The following GABRG3 variants were observed in gnomAD, a reference collection of about 807,000 sequenced individuals.
The protein encoded by GABRG3 is gamma-aminobutyric acid type A receptor subunit gamma3, also known as gamma-aminobutyric acid receptor subunit gamma-3.
In GABRG3, 25 loss-of-function variants were observed where a neutral mutation model predicts 48.8. The observed-to-expected ratio is 0.51, with a 90% CI of 0.37 to 0.72. GABRG3 has a LOEUF of 0.72. Ranked by LOEUF, GABRG3 falls within the 30% of genes least tolerant of loss-of-function variation. The pLI, the probability that GABRG3 is intolerant of heterozygous loss-of-function variation, is 0.00. For missense variants in GABRG3, 394 were observed against 577.9 expected (o/e 0.68, Z 3.26); for synonymous variants, 227 against 217.6 (o/e 1.04, Z -0.38).
At chr15:27,090,367 AG>A (rs1283965742) in intron 3 of GABRG3, among the ~76,000 whole-genome samples, 1 of 152,356 alleles carries the variant, frequency 6.6e-6, no homozygotes, top group East Asian at 1.9e-4. Flanking sequence ...GGTTATCCGT[AG>A]GTAACCCCAT....
intron 2 of GABRG3, among the ~76,000 whole-genome samples, chr15:27,016,941 TTTC>T (rs1371807078): frequency 6.6e-6 from 1 of 152,206 alleles, no homozygotes; most frequent in African/African-American, 2.4e-5. Context: ...GTTTTGTTTG[TTTC>T]TTCTTCTTAG....
At chr15:27,253,379 C>A (rs1409301782) in intron 3 of GABRG3, among the ~76,000 whole-genome samples, 1 of 152,184 alleles carries the variant, frequency 6.6e-6, no homozygotes, top group Non-Finnish European at 1.5e-5. Flanking sequence ...TTCCTGTCCC[C>A]TCTCCTTCTG....
At chr15:27,132,855 A>C (rs1269272084) in intron 3 of GABRG3, among the ~76,000 whole-genome samples, 1 of 148,852 alleles carries the variant, frequency 6.7e-6, no homozygotes, top group Non-Finnish European at 1.5e-5. Flanking sequence ...GGGTTAGTTC[A>C]TTTTTCTTTT....
chr15:27,386,780 T>C (rs919319534), intron 5 of GABRG3, among the ~76,000 whole-genome samples: 1 of 152,214 alleles, frequency 6.6e-6, no homozygotes, highest in Non-Finnish European at 1.5e-5. Context: ...CAATTTGTTG[T>C]GTGTCCTTTG....
At chr15:27,466,226 A>G (rs1183038569) in intron 5 of GABRG3, among the ~76,000 whole-genome samples, 1 of 152,216 alleles carries the variant, frequency 6.6e-6, no homozygotes, top group African/African-American at 2.4e-5. Flanking sequence ...ACAATATTCC[A>G]TAGAAGACCA....
rs778222775 is a variant in GABRG3, at chr15:27,132,471, G to GGTTTTTTTTTTTTTTTTTTTTTTTT, written c.270+105650_270+105651insGTTTTTTTTTTTTTTTTTTTTTTTT. ...TGATTCAATCTTCCCAGTAGTTACA[G>GGTTTTTTTTTTTTTTTTTTTTTTTT]TTTTTTTTTTTTTTTTTTTTTTTTT... On this transcript the variant is annotated intron_variant, in intron 3 of 9. Coordinates refer to ENST00000615808, the MANE Select transcript of GABRG3 (RefSeq NM_033223.5). Among the ~76,000 whole-genome samples the GGTTTTTTTTTTTTTTTTTTTTTTTT allele has an allele frequency of 1.0e-4, 4 of 39,594 alleles. 2 individuals are homozygous for GGTTTTTTTTTTTTTTTTTTTTTTTT. Among genetic ancestry groups the GGTTTTTTTTTTTTTTTTTTTTTTTT allele is most frequent in the African/African-American group, 1.8e-4 (2 of 11,312 alleles). 26.0% of individuals were successfully genotyped at this position (39,594 alleles called of 152,430 possible).
At chr15:27,524,251 T>C (rs1045535048) in intron 7 of GABRG3, among the ~76,000 whole-genome samples, 28 of 152,146 alleles carry the variant, frequency 1.8e-4, no homozygotes, top group African/African-American at 6.5e-4. Flanking sequence ...ATGGAAATAA[T>C]AGTCAACCCA....
chr15:27,070,191 A>G (rs1410924630), intron 3 of GABRG3, among the ~76,000 whole-genome samples: 1 of 152,256 alleles, frequency 6.6e-6, no homozygotes, highest in African/African-American at 2.4e-5. Flanking sequence ...ACCTTTTGCA[A>G]CAGCCTGAAT....
At chr15:27,254,226 G>A (rs1021265088) in intron 3 of GABRG3, among the ~76,000 whole-genome samples, 1 of 152,156 alleles carries the variant, frequency 6.6e-6, no homozygotes, top group Admixed American at 6.5e-5. Flanking sequence ...GCCAGGTGGG[G>A]ATGCAGGCTG....
At chr15:27,018,381 T>G (rs1895817318) in intron 2 of GABRG3, among the ~76,000 whole-genome samples, 1 of 152,224 alleles carries the variant, frequency 6.6e-6, no homozygotes, top group Non-Finnish European at 1.5e-5. Context: ...TTTTTATTCT[T>G]TTAAGAATAG....
At chr15:27,146,459 A>C (rs886845168) in intron 3 of GABRG3, among the ~76,000 whole-genome samples, 6 of 152,130 alleles carry the variant, frequency 3.9e-5, no homozygotes, top group Admixed American at 1.3e-4. Context: ...TCTGTCTCAA[A>C]AACAACAACA....
chr15:27,364,354 G>A (rs149551810), intron 5 of GABRG3: 168 of 152,630 alleles, frequency 1.1e-3, no homozygotes, highest in African/African-American at 3.9e-3. Context: ...GGGCAGATGC[G>A]CCTCTACATG....
chr15:27,264,033 G>A (rs948444835), intron 3 of GABRG3, among the ~76,000 whole-genome samples: 2 of 152,136 alleles, frequency 1.3e-5, no homozygotes, highest in Admixed American at 6.5e-5. Flanking sequence ...TAGGGGATGG[G>A]AAGGGCCGCT....
intron 5 of GABRG3, among the ~76,000 whole-genome samples, chr15:27,393,743 A>G (rs1018937393): frequency 6.6e-6 from 1 of 152,152 alleles, no homozygotes; most frequent in South Asian, 2.1e-4. Flanking sequence ...TTATTAATAT[A>G]TGCACTCCTT....
In GABRG3 at chr15:26,975,357, A is replaced by G. The variant is rs1894920855; in HGVS notation, c.54-1645A>G. ...AAATCAACAGCAATTTATAGTTTCT[A>G]TGGATGATTCAATTTAACCTTCTAG... On this transcript the variant is annotated intron_variant, in intron 1 of 9. Coordinates refer to ENST00000615808, the MANE Select transcript of GABRG3 (RefSeq NM_033223.5). The surrounding 1 kb of genome is among the most constrained non-coding windows in gnomAD (Gnocchi z 4.6). Among the ~76,000 whole-genome samples the G allele has an allele frequency of 6.6e-6, 1 of 152,334 alleles. No individual in the cohort carries two copies. The highest frequency in any genetic ancestry group is 1.5e-5 in the Non-Finnish European group (1 of 68,038).
At chr15:27,081,580 G>T (rs1457790549) in intron 3 of GABRG3, among the ~76,000 whole-genome samples, 7 of 152,156 alleles carry the variant, frequency 4.6e-5, no homozygotes, top group Non-Finnish European at 7.3e-5. Context: ...TGCAGCAGAG[G>T]AGGCTGGCCC....
In GABRG3 at chr15:27,335,606, A is replaced by G. The variant is rs572289518; in HGVS notation, c.574+6718A>G. 7.9e-5 allele frequency among the ~76,000 whole-genome samples: 12 copies of G among 152,158 alleles called. No homozygotes were observed. In the East Asian group the frequency reaches 2.3e-3, roughly 29 times the overall value. On this transcript the variant is annotated intron_variant, in intron 5 of 9. Coordinates refer to ENST00000615808, the MANE Select transcript of GABRG3 (RefSeq NM_033223.5). ...AAAGGGATGAGTACTCTATGCCTGC[A>G]CCTCCATGAGGTATCTAGAGTAGGC... is the stretch of plus-strand genomic sequence containing the variant.
intron 2 of GABRG3, among the ~76,000 whole-genome samples, chr15:27,018,985 T>G (rs1435972849): frequency 6.6e-6 from 1 of 151,884 alleles, no homozygotes; most frequent in Non-Finnish European, 1.5e-5. Context: ...AAAGATTATT[T>G]GTCACGATAA....
At chr15:27,109,577 G>A (rs1490466134) in intron 3 of GABRG3, among the ~76,000 whole-genome samples, 1 of 152,108 alleles carries the variant, frequency 6.6e-6, no homozygotes, top group African/African-American at 2.4e-5. Context: ...ACTCAGAGTT[G>A]TCATATTTAA....
Sources: allele counts gnomAD v4.1 joint callset (sites outside exome capture counted in the v4.1 genomes callset), GRCh38; gene constraint gnomAD v4.1.1; non-coding constraint Gnocchi (gnomAD v3.1); transcripts MANE v1.5; gene names NCBI Gene and HGNC (gene_info 2026-07-23, HGNC 2026-07-21).